Variants in CNTNAP2 observed in about 807,000 individuals in gnomAD.
CNTNAP2 encodes the protein contactin associated protein 2, also known as contactin-associated protein-like 2.
A neutral mutation model predicts 155.2 loss-of-function variants in CNTNAP2; 98 were observed. That is an observed-to-expected ratio of 0.63 (90% CI 0.54 to 0.75). The LOEUF (loss-of-function observed/expected upper bound fraction) is 0.75, where lower values mean the gene tolerates loss of function less well. CNTNAP2 is among the 30% of genes least tolerant of loss of function. The probability of loss-of-function intolerance (pLI) is 0.00; values close to 1 mark genes in which losing one functional copy is unlikely to be tolerated. For missense variants in CNTNAP2, 1,727 were observed against 1,688.1 expected (o/e 1.02, Z -0.40); for synonymous variants, 651 against 631.2 (o/e 1.03, Z -0.47).
chr7:146,210,327 C>G (rs1799013807), intron 1 of CNTNAP2, among the ~76,000 whole-genome samples: 1 of 152,102 alleles, frequency 6.6e-6, no homozygotes, highest in African/African-American at 2.4e-5. Flanking sequence ...CACAAAAGCA[C>G]TTAATACATA....
chr7:146,464,068 A>C (rs918834976), intron 1 of CNTNAP2, among the ~76,000 whole-genome samples: 3 of 152,022 alleles, frequency 2.0e-5, no homozygotes, highest in African/African-American at 7.2e-5. Flanking sequence ...CTTATATTCA[A>C]TTTGGTCACA....
At chr7:147,062,127 CAAAAAAAAAAAAAAAAAAAAAAAAAAA>C (rs869125044) in intron 4 of CNTNAP2, among the ~76,000 whole-genome samples, 54 of 44,942 alleles carry the variant, frequency 1.2e-3, no homozygotes, top group Middle Eastern at 0.016. Flanking sequence ...GACTCCGTCT[CAAAAAAAAAAAAAAAAAAAAAAAAAAA>C]AAAAAAAAAA....
rs801934 is a variant in CNTNAP2 at position 146,533,609 on chromosome 7, G to A, written c.98-240662G>A. Among the ~76,000 whole-genome samples, 67,836 of 151,872 alleles carry A rather than the reference G, an allele frequency of 0.45. 17,203 individuals are homozygous for A. Among genetic ancestry groups the A allele is most frequent in the African/African-American group, 0.7 (29,200 of 41,444 alleles). On this transcript the variant is annotated intron_variant, in intron 1 of 23. Transcript: ENST00000361727. ...GAACATGATAAGATTTGTGTTCATG[G>A]TTCTTCATATTCACTCTTGCTCCAG...
At chr7:147,775,339 A>ATATATATATT in intron 13 of CNTNAP2, among the ~76,000 whole-genome samples, 1 of 36,364 alleles carries the variant, frequency 2.7e-5, no homozygotes, top group Non-Finnish European at 4.4e-5. Flanking sequence ...ATATTTATAA[A>ATATATATATT]TATATATATT....
chr7:146,138,064 AAGC>A (rs1296191076), intron 1 of CNTNAP2, among the ~76,000 whole-genome samples: 3 of 152,050 alleles, frequency 2.0e-5, no homozygotes, highest in Non-Finnish European at 4.4e-5. Context: ...CATGAGGCTA[AAGC>A]CAGATATGTG....
intron 13 of CNTNAP2, among the ~76,000 whole-genome samples, chr7:147,833,537 G>A (rs1345854265): frequency 6.6e-6 from 1 of 152,156 alleles, no homozygotes; most frequent in African/African-American, 2.4e-5. Flanking sequence ...AGTCACTGCT[G>A]GCCTCAGCTT....
chr7:147,715,932 A>T (rs185416824), intron 13 of CNTNAP2, among the ~76,000 whole-genome samples: 4 of 152,200 alleles, frequency 2.6e-5, no homozygotes, highest in African/African-American at 9.6e-5. Context: ...ATTTGCCTAT[A>T]AATCATTGCA....
chr7:146,993,723 G>C (rs1458210685), intron 3 of CNTNAP2, among the ~76,000 whole-genome samples: 1 of 152,052 alleles, frequency 6.6e-6, no homozygotes, highest in Non-Finnish European at 1.5e-5. Flanking sequence ...AATTCATGAA[G>C]TTGTACATAT....
At chr7:147,259,528 T>C (rs1038625681) in intron 8 of CNTNAP2, among the ~76,000 whole-genome samples, 2 of 152,210 alleles carry the variant, frequency 1.3e-5, no homozygotes, top group Non-Finnish European at 2.9e-5. Context: ...TTAAGATATA[T>C]GAATTCTTCA....
intron 1 of CNTNAP2, among the ~76,000 whole-genome samples, chr7:146,196,513 A>G (rs1371932690): frequency 6.6e-6 from 1 of 151,764 alleles, no homozygotes; most frequent in Non-Finnish European, 1.5e-5. Flanking sequence ...TAAGCCCAAG[A>G]CTATAGGGAA....
chr7:148,415,366 A>T (rs1406188946), intron 23 of CNTNAP2, 51 bp from the exon 24 acceptor site: 1 of 1,590,576 alleles, frequency 6.3e-7, no homozygotes, highest in Admixed American at 1.7e-5. Flanking sequence ...ACAGTGTTGG[A>T]GGGACTCCCA....
rs5888241 is a variant in CNTNAP2 at position 147,213,571 on chromosome 7, C to CAA, written c.1348+81072_1348+81073dup. On this transcript the variant is annotated intron_variant, in intron 8 of 23. Transcript: ENST00000361727. ...CTTCATCTCTTAAATGCCCTCATCG[C>CAA]AAAAAAAAAAATAACATTGTATTGG... Among the ~76,000 whole-genome samples, 539 of 140,070 alleles carry CAA rather than the reference C, an allele frequency of 3.8e-3. 4 individuals carry two copies. The highest frequency in any genetic ancestry group is 0.013 in the African/African-American group (497 of 38,600). The allele number at this position is 140,070 out of a possible 152,430, so 91.9% of individuals were successfully genotyped here. A position where few individuals can be genotyped will look rare whatever the true frequency, so the allele number is the denominator to read the frequency against.
At chr7:146,634,204 ATTC>A (rs1799559359) in intron 1 of CNTNAP2, among the ~76,000 whole-genome samples, 1 of 152,206 alleles carries the variant, frequency 6.6e-6, no homozygotes, top group Admixed American at 6.5e-5. Context: ...CAGTGTGGCT[ATTC>A]TTTTGTAACA....
chr7:146,638,476 C>CTTTCTTTT lies in CNTNAP2; in HGVS notation c.98-135792_98-135791insCTTTTTTT, dbSNP rs1383622498. Among the ~76,000 whole-genome samples the CTTTCTTTT allele has an allele frequency of 7.0e-3, 447 of 64,238 alleles. 7 individuals carry two copies. The highest frequency in any genetic ancestry group is 0.01 in the Non-Finnish European group (296 of 28,878). 42.1% of individuals were successfully genotyped at this position (64,238 alleles called of 152,430 possible). On this transcript the variant is annotated intron_variant, in intron 1 of 23. Coordinates refer to ENST00000361727, the MANE Select transcript of CNTNAP2 (RefSeq NM_014141.6). ...AACAGTTTAATACAGTCAGGTGTTTCTTTTTTTTTTTTTTTTTTTTTTCTT... is the reference window on the plus strand; with the variant it reads ...AACAGTTTAATACAGTCAGGTGTTTCTTTCTTTTTTTTTTTTTTTTTTTTTTTTTTCTT...
At position 146,434,487 on chromosome 7, in the gene CNTNAP2, A is replaced by G. The variant is rs572984264; in HGVS notation, c.97+317514A>G. ...CTTACCCTTTACTTACTATTAGTTC[A>G]TAACCCTCAACATTTATGTGAATAA... On this transcript the variant is annotated intron_variant, in intron 1 of 23. Coordinates refer to ENST00000361727, the MANE Select transcript of CNTNAP2 (RefSeq NM_014141.6). Among the ~76,000 whole-genome samples, 23 of 152,316 alleles carry G rather than the reference A, an allele frequency of 1.5e-4. No homozygotes were observed. The South Asian group carries it at 2.9e-3, about 19-fold the overall frequency.
chr7:146,951,305 C>A (rs1451494524), intron 3 of CNTNAP2, among the ~76,000 whole-genome samples: 2 of 152,114 alleles, frequency 1.3e-5, no homozygotes, highest in South Asian at 2.1e-4. Context: ...TTAATTAGAT[C>A]CCATTTGTCA....
At chr7:146,970,630 A>T (rs1276488703) in intron 3 of CNTNAP2, among the ~76,000 whole-genome samples, 2 of 152,012 alleles carry the variant, frequency 1.3e-5, no homozygotes, top group African/African-American at 4.8e-5. Flanking sequence ...AAACTAGTTC[A>T]ACCATTGTGG....
At chr7:146,206,202 C>T (rs945045567) in intron 1 of CNTNAP2, among the ~76,000 whole-genome samples, 1 of 151,552 alleles carries the variant, frequency 6.6e-6, no homozygotes, top group Non-Finnish European at 1.5e-5. Context: ...TGTGTTGAAC[C>T]ATTCCAGCAA....
At chr7:147,342,076 A>G (rs1379256220) in intron 9 of CNTNAP2, among the ~76,000 whole-genome samples, 1 of 152,102 alleles carries the variant, frequency 6.6e-6, no homozygotes, top group Non-Finnish European at 1.5e-5. Flanking sequence ...GTGTTTTCAC[A>G]TGACTGAGAG....
Sources: gnomAD v4.1 joint callset for allele counts (sites outside exome capture counted in the v4.1 genomes callset) on GRCh38, gnomAD v4.1.1 for gene constraint, MANE v1.5 for transcripts, NCBI Gene and HGNC (gene_info 2026-07-23, HGNC 2026-07-21) for gene names.